Variants in AQR observed in about 807,000 individuals in gnomAD.
The protein encoded by AQR is RNA helicase aquarius.
AQR carries 61 observed loss-of-function variants against 180.5 expected under a neutral mutation model. That is an observed-to-expected ratio of 0.34 (90% CI 0.28 to 0.42). The LOEUF is 0.42. Ranked by LOEUF, AQR falls within the 10% of genes least tolerant of loss-of-function variation. The probability of loss-of-function intolerance (pLI) is 1.00; values close to 1 mark genes in which losing one functional copy is unlikely to be tolerated. For synonymous variants in AQR, 551 were observed against 588.8 expected, an observed-to-expected ratio of 0.94 and a Z score of 0.93; for missense variants, 1,281 against 1,798.3, an observed-to-expected ratio of 0.71 and a Z score of 5.20.
In AQR at chr15:34,882,531, G is replaced by A. The variant is rs749141492; in HGVS notation, c.3136C>T (p.Arg1046Ter). The change falls in exon 27 of 35, where the codon CGA becomes TGA. Residue 1046 changes from arginine to a stop codon, truncating the protein, a stop_gained. Coordinates refer to ENST00000156471, the MANE Select transcript of AQR (RefSeq NM_014691.3). LOFTEE classifies it high-confidence loss of function. ...AAACCTAGCTTGACCAAGTCATGTC[G>A]TTTTAAGGCAGCATGAGTACAGGTC... ...AMTCTHAALK[R>*]HDLVKLGFKY... is the part of the protein sequence containing the mutation. 2.5e-6 allele frequency: 4 copies of A among 1,594,144 alleles called. No individual in the cohort carries two copies. The highest frequency in any genetic ancestry group is 1.1e-5 in the South Asian group (1 of 87,392).
At chr15:34,932,877 AC>A (rs991470211) in intron 10 of AQR, among the ~76,000 whole-genome samples, 97 of 152,092 alleles carry the variant, frequency 6.4e-4, no homozygotes, top group African/African-American at 2.3e-3. Flanking sequence ...AATTGCTTGA[AC>A]CCAGGAGGCA....
At position 34,910,186 on chromosome 15, in the gene AQR, C is replaced by G; in HGVS notation, c.1612G>C (p.Asp538His). ...CTGACATTGAGATTTATGGTAACAT[C>G]TGCACGAACTCGGGTTGGCCAGTTT... Reference protein sequence around the residue: ...GENWPTRVRADVTINLNVRDH... With the variant: ...GENWPTRVRAHVTINLNVRDH... The change falls in exon 17 of 35, where the codon GAT becomes CAT. Residue 538 changes from aspartate (D) to histidine (H), a missense_variant. Around this residue, in one of 9 missense-constraint regions of AQR, gnomAD observed 200 missense variants for 293.4 expected, o/e 0.68. Transcript: ENST00000156471. 6.2e-7 allele frequency: 1 copy of G among 1,614,230 alleles called. No individual in the cohort carries two copies. Among genetic ancestry groups the G allele is most frequent in the Non-Finnish European group, 8.5e-7 (1 of 1,180,046 alleles).
At chr15:34,893,486 G>A (rs1386612312) in intron 23 of AQR, among the ~76,000 whole-genome samples, 177 bp downstream of exon 23, 2 of 152,076 alleles carry the variant, frequency 1.3e-5, no homozygotes, top group Non-Finnish European at 2.9e-5. Flanking sequence ...GGTAGGCCAG[G>A]CTCAGAAAAA....
chr15:34,900,207 T>C (rs1893310474), intron 20 of AQR, among the ~76,000 whole-genome samples: 1 of 152,192 alleles, frequency 6.6e-6, no homozygotes, highest in African/African-American at 2.4e-5. Context: ...TATGAACATT[T>C]CAAATTTGTG....
At position 34,885,964 on chromosome 15, in the gene AQR, G is replaced by A. The variant is rs1883064668; in HGVS notation, c.2817+562C>T. Among the ~76,000 whole-genome samples, 4 of 152,258 alleles carry A rather than the reference G, an allele frequency of 2.6e-5. No individual in the cohort carries two copies. In the South Asian group the frequency reaches 8.3e-4, roughly 32 times the overall value. On this transcript the variant is annotated intron_variant, in intron 25 of 34. Transcript: ENST00000156471. The stretch of plus-strand genomic sequence containing the variant: ...ATTAATAATCCAACTGACTATTAAA[G>A]TTTAGTTTTATTCACTTTATTTGGC...
chr15:34,955,127 TAATA>T (rs921290525), intron 3 of AQR, among the ~76,000 whole-genome samples: 8 of 151,942 alleles, frequency 5.3e-5, no homozygotes, highest in African/African-American at 1.7e-4. Flanking sequence ...CGTCTCAAAA[TAATA>T]AATAAATAAA....
chr15:34,877,150 C>T (rs745384751), intron 27 of AQR, among the ~76,000 whole-genome samples: 1 of 152,174 alleles, frequency 6.6e-6, no homozygotes, highest in Non-Finnish European at 1.5e-5. Context: ...TTCATTCCTT[C>T]TTCGATAATT....
chr15:34,946,817 G>A (rs1191827777), intron 5 of AQR, among the ~76,000 whole-genome samples: 1 of 149,930 alleles, frequency 6.7e-6, no homozygotes, highest in East Asian at 2.0e-4. Flanking sequence ...GGGCGTCTCT[G>A]CCCGGCCGCC....
intron 32 of AQR, among the ~76,000 whole-genome samples, chr15:34,863,896 T>C (rs560692297): frequency 1.3e-4 from 20 of 152,150 alleles, no homozygotes; most frequent in Non-Finnish European, 2.6e-4. Context: ...GAGGACAGAT[T>C]TTTTACCTGA....
chr15:34,956,599 C>T (rs1386870205), intron 3 of AQR, among the ~76,000 whole-genome samples: 1 of 149,744 alleles, frequency 6.7e-6, no homozygotes, highest in Admixed American at 6.7e-5. Flanking sequence ...TGGCAGTGAG[C>T]TGAGATTGCG....
intron 3 of AQR, among the ~76,000 whole-genome samples, chr15:34,953,215 G>C (rs576532220): frequency 9.2e-4 from 140 of 152,284 alleles, no homozygotes; most frequent in Middle Eastern, 3.4e-3. Context: ...TCTTAGTGTT[G>C]ACAGTGAGCT....
intron 19 of AQR, among the ~76,000 whole-genome samples, chr15:34,902,220 A>T (rs1476539190): frequency 1.3e-5 from 2 of 152,172 alleles, no homozygotes; most frequent in Non-Finnish European, 2.9e-5. Context: ...TCAGTGTCAC[A>T]CAGTAGGAGG....
At chr15:34,889,671 T>G (rs891204060) in intron 24 of AQR, among the ~76,000 whole-genome samples, 9 of 152,184 alleles carry the variant, frequency 5.9e-5, no homozygotes, top group Admixed American at 5.2e-4. Context: ...TAATCACTAA[T>G]TTGCATTCTT....
chr15:34,961,102 AT>A (rs1218195677), intron 2 of AQR, among the ~76,000 whole-genome samples: 2 of 152,050 alleles, frequency 1.3e-5, no homozygotes, highest in South Asian at 2.1e-4. Flanking sequence ...CAAGATCAGG[AT>A]TTTTTTTAAA....
At chr15:34,887,115 A>T (rs1382975661) in intron 24 of AQR, among the ~76,000 whole-genome samples, 1 of 149,888 alleles carries the variant, frequency 6.7e-6, no homozygotes, top group Non-Finnish European at 1.5e-5. Flanking sequence ...ACAAAGCAAG[A>T]CTCCGTCTCA....
chr15:34,903,159 T>C (rs556031902), intron 19 of AQR, among the ~76,000 whole-genome samples: 1 of 152,188 alleles, frequency 6.6e-6, no homozygotes, highest in African/African-American at 2.4e-5. Context: ...AGGAACACCA[T>C]GTGAAAAGTC....
intron 22 of AQR, among the ~76,000 whole-genome samples, chr15:34,894,588 A>G (rs553702592): frequency 6.4e-4 from 98 of 152,320 alleles, no homozygotes; most frequent in African/African-American, 2.0e-3. Context: ...GGCAAATATA[A>G]TAAGAGGCTA....
In AQR at chr15:34,853,255, TTTTAAC is replaced by T. The variant is rs1335210899; in HGVS notation, c.*3531_*3536del. On this transcript the variant is annotated 3_prime_UTR_variant, in exon 35 of 35. Coordinates refer to ENST00000156471, the MANE Select transcript of AQR (RefSeq NM_014691.3). ...AAAAGGGTCACTGTTTTTTTTTTTT[TTTTAAC>T]TTTATCTTGTTTTGATTGAAGAAAC... is the stretch of plus-strand genomic sequence containing the variant. 2 of 152,058 alleles carry T rather than the reference TTTTAAC, an allele frequency of 1.3e-5. No individual in the cohort carries two copies. The highest frequency in any genetic ancestry group is 4.8e-5 in the African/African-American group (2 of 41,364). 9.4% of individuals were successfully genotyped at this position (152,058 alleles called of 1,614,324 possible).
chr15:34,950,593 T>C (rs1184942110), intron 4 of AQR, among the ~76,000 whole-genome samples: 4 of 26,460 alleles, frequency 1.5e-4, no homozygotes, highest in African/African-American at 2.4e-4. Context: ...CTTTCTCACA[T>C]ATTATATTTC....
Sources: gnomAD v4.1 joint callset for allele counts (sites outside exome capture counted in the v4.1 genomes callset) on GRCh38, gnomAD v4.1.1 for gene constraint, gnomAD v4.1.1 regional missense constraint, MANE v1.5 for transcripts, NCBI Gene and HGNC (gene_info 2026-07-23, HGNC 2026-07-21) for gene names.